SLIT3: variants seen among roughly 807,000 people sequenced by gnomAD.
SLIT3 encodes the protein slit guidance ligand 3, also known as slit homolog 3 protein.
In SLIT3, 68 loss-of-function variants were observed where a neutral mutation model predicts 184.0. The observed-to-expected ratio is 0.37, with a 90% CI of 0.30 to 0.45. The LOEUF (loss-of-function observed/expected upper bound fraction) is 0.45. Ranked by LOEUF, SLIT3 falls within the 20% of genes least tolerant of loss-of-function variation. SLIT3 has a pLI of 1.00. For synonymous variants in SLIT3, 831 were observed against 828.6 expected, an observed-to-expected ratio of 1.00 and a Z score of -0.05; for missense variants, 1,707 against 2,026.0, an observed-to-expected ratio of 0.84 and a Z score of 3.02.
intron 3 of SLIT3, among the ~76,000 whole-genome samples, chr5:169,233,172 C>T (rs1047540141): frequency 5.3e-5 from 8 of 152,064 alleles, no homozygotes; most frequent in Non-Finnish European, 7.4e-5. Context: ...ACTACAGGTG[C>T]GCACCACCAC....
At chr5:168,796,996 G>A (rs1390421935) in intron 9 of SLIT3, among the ~76,000 whole-genome samples, 1 of 151,768 alleles carries the variant, frequency 6.6e-6, no homozygotes, top group Non-Finnish European at 1.5e-5. Context: ...GCTGCCGGAT[G>A]AATAGAGTCT....
intron 4 of SLIT3, among the ~76,000 whole-genome samples, chr5:169,081,615 G>A (rs139457619): frequency 2.4e-3 from 362 of 152,246 alleles, no homozygotes; most frequent in Middle Eastern, 0.02. Flanking sequence ...GGCTTGCTCT[G>A]AGAAGGTCCC....
At chr5:169,214,618 G>C (rs1037385023) in intron 3 of SLIT3, among the ~76,000 whole-genome samples, 1 of 152,182 alleles carries the variant, frequency 6.6e-6, no homozygotes, top group South Asian at 2.1e-4. Flanking sequence ...CCAGTATACT[G>C]AACCTGGGTA....
Position 169,122,488 on chromosome 5 carries a change from C to A in SLIT3, c.413+70991G>T, listed in dbSNP as rs115370152. Among the ~76,000 whole-genome samples the A allele has an allele frequency of 8.4e-3, 1,276 of 152,160 alleles. 17 individuals carry two copies. The highest frequency in any genetic ancestry group is 0.029 in the African/African-American group (1,218 of 41,486). On this transcript the variant is annotated intron_variant, in intron 4 of 35. Coordinates refer to ENST00000519560, the MANE Select transcript of SLIT3 (RefSeq NM_003062.4). ...TGACTTGAGGCAAGAACCCTGGGAG[C>A]CATTTGGTTCCATCACTTTTTGTTT...
At chr5:168,989,426 G>A (rs1755241913) in intron 4 of SLIT3, among the ~76,000 whole-genome samples, 1 of 152,214 alleles carries the variant, frequency 6.6e-6, no homozygotes, top group Non-Finnish European at 1.5e-5. Flanking sequence ...CACAGCAGGA[G>A]ACTTGCAGCA....
rs999480108 is a variant in SLIT3 at position 169,300,152 on chromosome 5, C to A, written c.197+361G>T. 4.6e-5 allele frequency among the ~76,000 whole-genome samples: 7 copies of A among 152,348 alleles called. No homozygotes were observed. The East Asian group carries it at 1.4e-3, about 29-fold the overall frequency. ...TATAGCTTTCTCCTTCGCCCGCCCCCCTTTTTAACGAGCGCAGACCCCTGA... is the reference window on the plus strand; with the variant it reads ...TATAGCTTTCTCCTTCGCCCGCCCCACTTTTTAACGAGCGCAGACCCCTGA... On this transcript the variant is annotated intron_variant, in intron 1 of 35. Transcript: ENST00000519560. This position sits in a 1 kb window ranked among gnomAD's most constrained non-coding sequence, Gnocchi z 4.1.
At chr5:169,150,213 A>T (rs1240373714) in intron 4 of SLIT3, among the ~76,000 whole-genome samples, 1 of 152,106 alleles carries the variant, frequency 6.6e-6, no homozygotes, top group Non-Finnish European at 1.5e-5. Context: ...CCCCGCTCCA[A>T]CCCCTAATAT....
At chr5:168,719,622 A>C (rs1164441931) in intron 23 of SLIT3, among the ~76,000 whole-genome samples, 1 of 152,206 alleles carries the variant, frequency 6.6e-6, no homozygotes, top group East Asian at 1.9e-4. Context: ...TTCCTTAAAC[A>C]TTTCCCCACT....
chr5:169,154,609 G>A (rs1410373470), intron 4 of SLIT3, among the ~76,000 whole-genome samples: 7 of 152,244 alleles, frequency 4.6e-5, no homozygotes, highest in Admixed American at 4.6e-4. Context: ...ACTCGAACAT[G>A]TTCCTCAATC....
chr5:169,273,065 G>C (rs12521999), intron 1 of SLIT3, among the ~76,000 whole-genome samples: 9,759 of 152,042 alleles, frequency 0.064, 471 homozygotes, highest in East Asian at 0.26. Context: ...AAATGCTAAG[G>C]CCCACACCTC....
At chr5:169,225,891 TG>T (rs1201694702) in intron 3 of SLIT3, among the ~76,000 whole-genome samples, 2 of 152,180 alleles carry the variant, frequency 1.3e-5, no homozygotes, top group African/African-American at 4.8e-5. Context: ...AGTCTGTGTT[TG>T]GGAAGCTCAC....
chr5:168,706,257 C>A (rs551906846), intron 26 of SLIT3, among the ~76,000 whole-genome samples: 1 of 151,964 alleles, frequency 6.6e-6, no homozygotes, highest in East Asian at 1.9e-4. Flanking sequence ...GCGTACATTA[C>A]TGTACATTTG....
chr5:169,084,274 G>A (rs1432510464), intron 4 of SLIT3, among the ~76,000 whole-genome samples: 2 of 150,528 alleles, frequency 1.3e-5, no homozygotes, highest in African/African-American at 4.9e-5. Context: ...AAATAGGGAT[G>A]TTTCTTTTTC....
At chr5:168,903,505 G>A (rs1195369388) in intron 4 of SLIT3, among the ~76,000 whole-genome samples, 3 of 152,210 alleles carry the variant, frequency 2.0e-5, no homozygotes, top group African/African-American at 7.2e-5. Flanking sequence ...TGATGCCAAG[G>A]TCACAGTAAG....
At chr5:169,006,919 C>T (rs1339348448) in intron 4 of SLIT3, among the ~76,000 whole-genome samples, 1 of 152,142 alleles carries the variant, frequency 6.6e-6, no homozygotes, top group Non-Finnish European at 1.5e-5. Context: ...CTACTCTCAT[C>T]ACGCAGCCCT....
chr5:168,808,115 A>G (rs1581103750), intron 8 of SLIT3, among the ~76,000 whole-genome samples: 1 of 152,194 alleles, frequency 6.6e-6, no homozygotes, highest in Admixed American at 6.5e-5. Flanking sequence ...TCCAGGGTAC[A>G]TGGACCTCAA....
intron 4 of SLIT3, among the ~76,000 whole-genome samples, chr5:168,992,644 G>A (rs1447473743): frequency 6.6e-6 from 1 of 152,102 alleles, no homozygotes; most frequent in Non-Finnish European, 1.5e-5. Context: ...CTGGGGTCCT[G>A]CTCAGGCCTG....
chr5:169,025,540 G>C (rs189444303), intron 4 of SLIT3, among the ~76,000 whole-genome samples: 57 of 152,214 alleles, frequency 3.7e-4, no homozygotes, highest in Admixed American at 3.5e-3. Context: ...GATGAATTCT[G>C]TGGAACCCCC....
In SLIT3 at chr5:168,988,146, C is replaced by G. The variant is rs113112647; in HGVS notation, c.414-104810G>C. On this transcript the variant is annotated intron_variant, in intron 4 of 35. Transcript: ENST00000519560. ...TCTGGTGAATGGACCATATGTGCAC[C>G]TATGGTGACCATTTTGTCTGAGACT... is the stretch of plus-strand genomic sequence containing the variant. Among the ~76,000 whole-genome samples the G allele has an allele frequency of 6.0e-3, 909 of 152,336 alleles. 12 individuals are homozygous for G. Among genetic ancestry groups the G allele is most frequent in the African/African-American group, 0.021 (865 of 41,574 alleles).
Sources: allele counts gnomAD v4.1 joint callset (sites outside exome capture counted in the v4.1 genomes callset), GRCh38; gene constraint gnomAD v4.1.1; non-coding constraint Gnocchi (gnomAD v3.1); transcripts MANE v1.5; gene names NCBI Gene and HGNC (gene_info 2026-07-23, HGNC 2026-07-21).